The following GFRAL variants were observed in gnomAD, a reference collection of about 807,000 sequenced individuals.
The protein encoded by GFRAL is GDNF family receptor alpha-like.
Under a neutral mutation model 45.4 loss-of-function variants are expected in GFRAL, and 36 were observed. That is an observed-to-expected ratio of 0.79 (90% confidence interval 0.61 to 1.05). The LOEUF (loss-of-function observed/expected upper bound fraction) is 1.05. Ranked by LOEUF, GFRAL falls within the 50% of genes least tolerant of loss-of-function variation. The probability of loss-of-function intolerance (pLI) is 0.00; values close to 1 mark genes in which losing one functional copy is unlikely to be tolerated. For synonymous variants in GFRAL, 166 were observed against 154.1 expected, an observed-to-expected ratio of 1.08 and a Z score of -0.57; for missense variants, 507 against 467.5, an observed-to-expected ratio of 1.08 and a Z score of -0.78.
intron 5 of GFRAL, among the ~76,000 whole-genome samples, chr6:55,352,335 G>A (rs1761290641): frequency 6.6e-6 from 1 of 152,078 alleles, no homozygotes; most frequent in African/African-American, 2.4e-5. Context: ...AGAGAAAAGG[G>A]ATAGAGAAAA....
At position 55,401,874 on chromosome 6, in the gene GFRAL, T is replaced by A. The variant is rs767762118; in HGVS notation, c.*21T>A. ...TCTGATTCATTAGGAGTCATGGACC[T>A]ATAACAATCACTCTTTTCTCTGCTT... On this transcript the variant is annotated 3_prime_UTR_variant, in exon 9 of 9. Transcript: ENST00000340465. 1.4e-5 allele frequency: 18 copies of A among 1,281,706 alleles called. No individual in the cohort carries two copies. Among genetic ancestry groups the A allele is most frequent in the Non-Finnish European group, 2.0e-5 (18 of 878,964 alleles). The allele number at this position is 1,281,706 out of a possible 1,614,324, so 79.4% of individuals were successfully genotyped here.
At chr6:55,342,534 T>G (rs1767982563) in intron 3 of GFRAL, among the ~76,000 whole-genome samples, 1 of 152,030 alleles carries the variant, frequency 6.6e-6, no homozygotes, top group South Asian at 2.1e-4. Context: ...GCACTAAACA[T>G]GGAAAGGGAC....
chr6:55,340,298 C>G (rs1473086463), intron 3 of GFRAL, among the ~76,000 whole-genome samples: 1 of 152,180 alleles, frequency 6.6e-6, no homozygotes, highest in Non-Finnish European at 1.5e-5. Flanking sequence ...CCAGAGTACA[C>G]AGACATGCAC....
At chr6:55,337,923 G>A (rs148635902) in intron 3 of GFRAL, among the ~76,000 whole-genome samples, 1,990 of 152,196 alleles carry the variant, frequency 0.013, 23 homozygotes, top group Non-Finnish European at 0.022. Context: ...TTGAGCCACT[G>A]ATTTGAGATT....
chr6:55,394,993 T>G (rs923476369), intron 6 of GFRAL, among the ~76,000 whole-genome samples: 2 of 152,052 alleles, frequency 1.3e-5, no homozygotes, highest in African/African-American at 4.8e-5. Context: ...CTACTCTCAC[T>G]ACAATTGTGC....
intron 3 of GFRAL, among the ~76,000 whole-genome samples, chr6:55,335,557 A>G (rs942720786): frequency 6.6e-6 from 1 of 152,172 alleles, no homozygotes; most frequent in African/African-American, 2.4e-5. Context: ...AGATCTAGAA[A>G]TGATGTAGCT....
At chr6:55,393,514 A>C (rs568087328) in intron 6 of GFRAL, among the ~76,000 whole-genome samples, 1 of 152,332 alleles carries the variant, frequency 6.6e-6, no homozygotes, top group South Asian at 2.1e-4. Context: ...CTTTCCCAGA[A>C]GGTGGTCTTT....
At chr6:55,378,905 C>T (rs1205919458) in intron 6 of GFRAL, among the ~76,000 whole-genome samples, 1 of 151,874 alleles carries the variant, frequency 6.6e-6, no homozygotes, top group Non-Finnish European at 1.5e-5. Context: ...ATACTGGGTT[C>T]GTCTTTCTGG....
chr6:55,328,828 A>T (rs982115152), intron 1 of GFRAL, among the ~76,000 whole-genome samples: 18 of 152,048 alleles, frequency 1.2e-4, no homozygotes, highest in African/African-American at 4.1e-4. Flanking sequence ...TAGAACTAAA[A>T]TTATACTATT....
intron 1 of GFRAL, among the ~76,000 whole-genome samples, chr6:55,330,651 G>A (rs1289991555): frequency 1.3e-5 from 2 of 152,082 alleles, no homozygotes; most frequent in East Asian, 1.9e-4. Flanking sequence ...TTCGGGAAAC[G>A]ATAAATGCTT....
intron 1 of GFRAL, among the ~76,000 whole-genome samples, chr6:55,328,035 G>A (rs939318262): frequency 1.3e-5 from 2 of 151,886 alleles, no homozygotes; most frequent in African/African-American, 4.8e-5. Context: ...TTTACCTACA[G>A]TGTTAATATT....
At position 55,380,286 on chromosome 6, in the gene GFRAL, G is replaced by A. The variant is rs574968262; in HGVS notation, c.953-18894G>A. Reference sequence around the variant, plus strand: ...ATTAAGGTTTTACTAAAGCCAGCTGGTTCCCCAACTCTATTAGTAACAATC... The same window carrying A: ...ATTAAGGTTTTACTAAAGCCAGCTGATTCCCCAACTCTATTAGTAACAATC... On this transcript the variant is annotated intron_variant, in intron 6 of 8. Coordinates refer to ENST00000340465, the MANE Select transcript of GFRAL (RefSeq NM_207410.2). Among the ~76,000 whole-genome samples the A allele has an allele frequency of 3.7e-3, 560 of 151,968 alleles. 3 individuals carry two copies. The highest frequency in any genetic ancestry group is 6.6e-3 in the Admixed American group (100 of 15,240).
At position 55,351,442 on chromosome 6, in the gene GFRAL, C is replaced by A. The variant is rs767381219; in HGVS notation, c.560C>A (p.Ala187Asp). 11 of 1,613,654 alleles carry A rather than the reference C, an allele frequency of 6.8e-6. No individual in the cohort carries two copies. In the South Asian group the frequency reaches 1.2e-4, roughly 18 times the overall value. The change falls in exon 5 of 9, where the codon GCT becomes GAT. Residue 187 changes from alanine to aspartate, a missense_variant. Physicochemically the swap from Ala to Asp is moderately radical, Grantham distance 126. Transcript: ENST00000340465. ...NIPFNIAQML[A>D]FCDCAQSDIP... ...CCTTTTAACATTGCCCAGATGTTGG[C>A]TTTTTGTGACTGTGCTCAATCTGAT...
intron 6 of GFRAL, among the ~76,000 whole-genome samples, chr6:55,397,524 C>CAAAAAAAAAAAAAAAAAAAA (rs70986715): frequency 3.0e-5 from 2 of 67,416 alleles, no homozygotes; most frequent in Non-Finnish European, 5.4e-5. Context: ...GACTCCGTCT[C>CAAAAAAAAAAAAAAAAAAAA]AAAAAAAAAA....
chr6:55,347,922 T>A (rs959640487), intron 3 of GFRAL, among the ~76,000 whole-genome samples: 5 of 152,180 alleles, frequency 3.3e-5, no homozygotes, highest in African/African-American at 1.2e-4. Flanking sequence ...AACATGTTTG[T>A]CTACTAGTTT....
chr6:55,374,836 G>T (rs192529426), intron 6 of GFRAL, among the ~76,000 whole-genome samples: 456 of 152,124 alleles, frequency 3.0e-3, no homozygotes, highest in African/African-American at 0.01. Flanking sequence ...TCAATTTTCT[G>T]CATATGCTAA....
intron 6 of GFRAL, among the ~76,000 whole-genome samples, chr6:55,382,600 G>T (rs779154957): frequency 6.9e-4 from 105 of 151,740 alleles, no homozygotes; most frequent in Admixed American, 2.2e-3. Context: ...TTACATTTTT[G>T]ATTAAAAACA....
At chr6:55,364,930 T>C (rs967992567) in intron 6 of GFRAL, among the ~76,000 whole-genome samples, 3 of 152,098 alleles carry the variant, frequency 2.0e-5, no homozygotes, top group Non-Finnish European at 4.4e-5. Flanking sequence ...GGGCTCTTTT[T>C]TGGTTCCATA....
intron 5 of GFRAL, among the ~76,000 whole-genome samples, chr6:55,353,249 C>CA (rs1047996526): frequency 7.9e-5 from 12 of 151,612 alleles, no homozygotes; most frequent in South Asian, 2.1e-4. Context: ...CAACTACTGG[C>CA]AAAAAAACAC....
Sources: gnomAD v4.1 joint callset for allele counts (sites outside exome capture counted in the v4.1 genomes callset) on GRCh38, gnomAD v4.1.1 for gene constraint, MANE v1.5 for transcripts, NCBI Gene and HGNC (gene_info 2026-07-23, HGNC 2026-07-21) for gene names.